Variants in KIAA1958 observed in about 807,000 individuals in gnomAD.
KIAA1958 encodes the protein uncharacterized protein KIAA1958.
Under a neutral mutation model 47.2 loss-of-function variants are expected in KIAA1958, and 14 were observed. That is an observed-to-expected ratio of 0.30 (90% CI 0.20 to 0.46). The LOEUF is 0.46. Ranked by LOEUF, KIAA1958 falls within the 20% of genes least tolerant of loss-of-function variation. The pLI is 1.00. For synonymous variants in KIAA1958, 354 were observed against 353.3 expected (o/e 1.00, Z -0.02); for missense variants, 803 against 909.2 (o/e 0.88, Z 1.50).
intron 2 of KIAA1958, among the ~76,000 whole-genome samples, chr9:112,621,030 G>T (rs1316164852): frequency 6.6e-6 from 1 of 151,354 alleles, no homozygotes; most frequent in Non-Finnish European, 1.5e-5. Flanking sequence ...CATAGCTAAA[G>T]AAATGGTAGT....
chr9:112,632,908 CT>C (rs5900008), intron 2 of KIAA1958, among the ~76,000 whole-genome samples: 80,926 of 142,942 alleles, frequency 0.57, 22,580 homozygotes, highest in African/African-American at 0.63. Flanking sequence ...TGGAAACAGC[CT>C]TTTTTTTTTT....
rs1275428944 is a variant in KIAA1958 at position 112,666,670 on chromosome 9, A to G, written c.*6601A>G. 6.6e-6 allele frequency: 1 copy of G among 152,224 alleles called. No homozygotes were observed. The highest frequency in any genetic ancestry group is 1.5e-5 in the Non-Finnish European group (1 of 68,034). 9.4% of individuals were successfully genotyped at this position (152,224 alleles called of 1,614,324 possible). A position where few individuals can be genotyped will look rare whatever the true frequency, so the allele number is the denominator to read the frequency against. On this transcript the variant is annotated 3_prime_UTR_variant, in exon 4 of 4. Transcript: ENST00000337530. ...AGGCATATGGAGGTAGCTTGGGGCA[A>G]AAGTTTCCAAGTAGCTCAATTCCTG...
intron 2 of KIAA1958, among the ~76,000 whole-genome samples, chr9:112,594,608 C>A (rs941466478): frequency 6.6e-6 from 1 of 152,156 alleles, no homozygotes; most frequent in African/African-American, 2.4e-5. Flanking sequence ...ATACATCACA[C>A]TTTGTTTATC....
At chr9:112,554,102 T>C (rs1835200668) in intron 1 of KIAA1958, among the ~76,000 whole-genome samples, 1 of 152,150 alleles carries the variant, frequency 6.6e-6, no homozygotes, top group Non-Finnish European at 1.5e-5. Flanking sequence ...ACTACAGAAA[T>C]TTCTTCTTTT....
intron 2 of KIAA1958, among the ~76,000 whole-genome samples, chr9:112,614,186 C>T (rs937746854): frequency 3.3e-5 from 5 of 152,066 alleles, no homozygotes; most frequent in Admixed American, 1.3e-4. Flanking sequence ...AGAGTCCATT[C>T]ATATGTGTTA....
At chr9:112,487,181 GC>G in intron 1 of KIAA1958, 63 bp downstream of exon 1, 1 of 189,306 alleles carries the variant, frequency 5.3e-6, no homozygotes, top group Non-Finnish European at 1.1e-5. Flanking sequence ...CAGGCGGGGA[GC>G]CCCTTTGTGT....
In KIAA1958 at chr9:112,667,731, TAA is replaced by T. The variant is rs1282555342; in HGVS notation, c.*7663_*7664del. 6.6e-6 allele frequency: 1 copy of T among 152,220 alleles called. No homozygotes were observed. Among genetic ancestry groups the T allele is most frequent in the African/African-American group, 2.4e-5 (1 of 41,452 alleles). 9.4% of individuals were successfully genotyped at this position (152,220 alleles called of 1,614,324 possible). On this transcript the variant is annotated 3_prime_UTR_variant, in exon 4 of 4. Coordinates refer to ENST00000337530, the MANE Select transcript of KIAA1958 (RefSeq NM_133465.4). ...GGAATTTTATACATATTTTATATGT[TAA>T]GATACATAATTTTTTAGTTATGATA... is the stretch of plus-strand genomic sequence containing the variant.
At chr9:112,528,618 G>C (rs1395394643) in intron 1 of KIAA1958, among the ~76,000 whole-genome samples, 1 of 152,274 alleles carries the variant, frequency 6.6e-6, no homozygotes, top group Non-Finnish European at 1.5e-5. Flanking sequence ...TGCCTCCTGG[G>C]TTCAAGCGAT....
At chr9:112,531,815 C>T (rs1321243925) in intron 1 of KIAA1958, among the ~76,000 whole-genome samples, 2 of 152,222 alleles carry the variant, frequency 1.3e-5, no homozygotes, top group African/African-American at 4.8e-5. Context: ...ACTTTATCCA[C>T]ACGAATGGAT....
At position 112,660,238 on chromosome 9, in the gene KIAA1958, G is replaced by T; in HGVS notation, c.*169G>T. ...TGACTTGGGGTTTGCTTTTTAAAAT[G>T]AAACTAGATGAGTCTAAATCATTCG... On this transcript the variant is annotated 3_prime_UTR_variant, in exon 4 of 4. Transcript: ENST00000337530. The T allele has an allele frequency of 1.7e-6, 1 of 604,200 alleles. No individual in the cohort carries two copies. The highest frequency in any genetic ancestry group is 2.9e-6 in the Non-Finnish European group (1 of 340,236). The allele number at this position is 604,200 out of a possible 1,614,324, so 37.4% of individuals were successfully genotyped here.
At chr9:112,645,851 A>G (rs2131243332) in intron 3 of KIAA1958, 29 bp downstream of exon 3, 2 of 1,599,056 alleles carry the variant, frequency 1.3e-6, no homozygotes, top group Non-Finnish European at 1.7e-6. Flanking sequence ...TACTTCTTTC[A>G]GCCAACTTCA....
At chr9:112,548,415 T>G (rs1424910720) in intron 1 of KIAA1958, among the ~76,000 whole-genome samples, 3 of 152,198 alleles carry the variant, frequency 2.0e-5, no homozygotes, top group African/African-American at 7.2e-5. Context: ...CTAAAATGTA[T>G]GAAACCAGGC....
intron 1 of KIAA1958, among the ~76,000 whole-genome samples, chr9:112,571,614 TAGC>T (rs1835534736): frequency 6.6e-6 from 1 of 151,914 alleles, no homozygotes; most frequent in Non-Finnish European, 1.5e-5. Context: ...GTAGGCAAAA[TAGC>T]AGTCTCTGCC....
chr9:112,569,988 T>A (rs1835505434), intron 1 of KIAA1958, among the ~76,000 whole-genome samples: 1 of 152,200 alleles, frequency 6.6e-6, no homozygotes, highest in Non-Finnish European at 1.5e-5. Flanking sequence ...GTGGATAAGT[T>A]CTAGAATTTT....
At chr9:112,577,446 T>C (rs777191827) in intron 2 of KIAA1958, among the ~76,000 whole-genome samples, 3 of 152,164 alleles carry the variant, frequency 2.0e-5, no homozygotes, top group African/African-American at 7.2e-5. Context: ...ACTCTTGATA[T>C]ATGTAGGATA....
intron 1 of KIAA1958, among the ~76,000 whole-genome samples, chr9:112,567,352 C>G (rs1835442760): frequency 6.6e-6 from 1 of 152,196 alleles, no homozygotes; most frequent in Non-Finnish European, 1.5e-5. Context: ...TGTTGTGGCT[C>G]AAGGGCGTCA....
intron 2 of KIAA1958, among the ~76,000 whole-genome samples, chr9:112,616,288 T>C (rs1008671719): frequency 3.3e-5 from 5 of 152,236 alleles, no homozygotes; most frequent in African/African-American, 4.8e-5. Flanking sequence ...CCTATAAAAA[T>C]AGCTAACTAG....
chr9:112,655,830 G>A (rs748272576), intron 3 of KIAA1958, among the ~76,000 whole-genome samples: 4 of 152,108 alleles, frequency 2.6e-5, no homozygotes, highest in African/African-American at 9.7e-5. Context: ...GTTGACAAAC[G>A]GCCTTGAGGT....
At chr9:112,530,849 AC>A (rs1210172141) in intron 1 of KIAA1958, among the ~76,000 whole-genome samples, 5 of 152,224 alleles carry the variant, frequency 3.3e-5, no homozygotes, top group Non-Finnish European at 7.3e-5. Context: ...GGTTGTAATT[AC>A]CAGTCATGCT....
Sources: gnomAD v4.1 joint callset for allele counts (sites outside exome capture counted in the v4.1 genomes callset) on GRCh38, gnomAD v4.1.1 for gene constraint, MANE v1.5 for transcripts, NCBI Gene and HGNC (gene_info 2026-07-23, HGNC 2026-07-21) for gene names.